The following ANKFN1 variants were observed in gnomAD, a reference collection of about 807,000 sequenced individuals.
The protein encoded by ANKFN1 is ankyrin repeat and fibronectin type-III domain-containing protein 1.
A neutral mutation model predicts 108.7 loss-of-function variants in ANKFN1; 74 were observed. The observed-to-expected ratio is 0.68, with a 90% CI of 0.56 to 0.83. ANKFN1 has a LOEUF of 0.83. Ranked by LOEUF, ANKFN1 falls within the 40% of genes least tolerant of loss-of-function variation. ANKFN1 has a pLI of 0.00. For missense variants in ANKFN1, 1,505 were observed against 1,382.3 expected (o/e 1.09, Z -1.41); for synonymous variants, 547 against 516.2 (o/e 1.06, Z -0.81).
Position 56,195,641 on chromosome 17 carries a change from T to C in ANKFN1, c.-70-16957T>C, listed in dbSNP as rs567146821. On this transcript the variant is annotated intron_variant, in intron 1 of 20. Transcript: ENST00000682825. ...ATATACTCAAAGCAAAAAGAATAAC[T>C]CTGAGCCCATTTCCTTCTCCTCATC... Among the ~76,000 whole-genome samples, 5 of 152,252 alleles carry C rather than the reference T, an allele frequency of 3.3e-5. No homozygotes were observed. The East Asian group carries it at 9.7e-4, about 29-fold the overall frequency.
At chr17:56,462,364 G>C (rs528402009) in intron 14 of ANKFN1, among the ~76,000 whole-genome samples, 2 of 152,330 alleles carry the variant, frequency 1.3e-5, no homozygotes, top group South Asian at 2.1e-4. Flanking sequence ...GGAGGCCAAG[G>C]CGGGCAGATC....
At chr17:56,407,931 CTTTTTTT>C (rs761975892) in intron 8 of ANKFN1, among the ~76,000 whole-genome samples, 23 of 104,642 alleles carry the variant, frequency 2.2e-4, no homozygotes, top group East Asian at 6.1e-4. Context: ...TCTTTTTTAT[CTTTTTTT>C]TTTTTTTTTT....
chr17:56,294,870 C>T (rs1030404591), intron 3 of ANKFN1, among the ~76,000 whole-genome samples: 1 of 152,208 alleles, frequency 6.6e-6, no homozygotes, highest in Non-Finnish European at 1.5e-5. Context: ...CCTGGAAGAA[C>T]TTTCACAAGG....
intron 8 of ANKFN1, among the ~76,000 whole-genome samples, chr17:56,425,167 A>T (rs907841423): frequency 2.0e-5 from 3 of 151,770 alleles, no homozygotes; most frequent in Non-Finnish European, 2.9e-5. Context: ...AGTATTCAGC[A>T]TTCCTATGAG....
chr17:56,395,637 T>A (rs1240815972), intron 8 of ANKFN1, among the ~76,000 whole-genome samples: 2 of 152,042 alleles, frequency 1.3e-5, no homozygotes, highest in Admixed American at 1.3e-4. Context: ...TCAATTGAGG[T>A]CAAGAGTTCG....
At chr17:56,167,186 A>G (rs1033830843) in intron 1 of ANKFN1, among the ~76,000 whole-genome samples, 1 of 150,372 alleles carries the variant, frequency 6.7e-6, no homozygotes, top group African/African-American at 2.4e-5. Flanking sequence ...AACATATATC[A>G]TGTATACATA....
chr17:56,163,866 A>G (rs1427118527), intron 1 of ANKFN1, among the ~76,000 whole-genome samples: 2 of 152,224 alleles, frequency 1.3e-5, no homozygotes, highest in African/African-American at 4.8e-5. Flanking sequence ...TCTATGAGGG[A>G]GAAAGCATCT....
chr17:56,424,778 C>T (rs192718016), intron 8 of ANKFN1, among the ~76,000 whole-genome samples: 265 of 152,198 alleles, frequency 1.7e-3, no homozygotes, highest in African/African-American at 5.7e-3. Flanking sequence ...TTCAGCAGCC[C>T]CTGTGGTAAC....
intron 18 of ANKFN1, chr17:56,482,751 G>A (rs1055612977): frequency 1.1e-4 from 43 of 405,264 alleles, no homozygotes; most frequent in Non-Finnish European, 1.5e-4. Flanking sequence ...TGGAGAAGAA[G>A]GAATTCTAAA....
intron 4 of ANKFN1, among the ~76,000 whole-genome samples, chr17:56,332,987 A>G (rs1187168755): frequency 2.6e-5 from 1 of 38,468 alleles, no homozygotes; most frequent in Non-Finnish European, 7.4e-5. Context: ...GTGTATATAT[A>G]TATATATATA....
In ANKFN1 at chr17:56,372,833, G is replaced by A. The variant is rs2046847389; in HGVS notation, c.789G>A (p.Glu263=). The change falls in exon 7 of 21, where the codon GAG becomes GAA. Residue 263 remains glutamate (E), a synonymous_variant. Transcript: ENST00000682825. ...RLYRRMKTGF[E]HARAPEMPTN... ...ACAGACGCATGAAAACAGGCTTTGA[G>A]CATGCCAGTGAGTATAAGCAGAAAA... 6.2e-7 allele frequency: 1 copy of A among 1,612,668 alleles called. No homozygotes were observed. Among genetic ancestry groups the A allele is most frequent in the Non-Finnish European group, 8.5e-7 (1 of 1,179,598 alleles).
At chr17:56,381,620 C>T (rs1346433795) in intron 8 of ANKFN1, among the ~76,000 whole-genome samples, 1 of 152,086 alleles carries the variant, frequency 6.6e-6, no homozygotes, top group Middle Eastern at 3.4e-3. Context: ...AGCCAAGGCT[C>T]GAGAACTACG....
intron 6 of ANKFN1, among the ~76,000 whole-genome samples, chr17:56,356,538 A>C (rs1470497012): frequency 6.6e-6 from 1 of 152,116 alleles, no homozygotes; most frequent in Non-Finnish European, 1.5e-5. Context: ...CTTACTATAA[A>C]AATGCTAAGC....
At chr17:56,423,912 A>C (rs904092798) in intron 8 of ANKFN1, among the ~76,000 whole-genome samples, 1 of 152,212 alleles carries the variant, frequency 6.6e-6, no homozygotes, top group Admixed American at 6.5e-5. Flanking sequence ...AATCTTAATG[A>C]TGCTCAGGAA....
intron 20 of ANKFN1, among the ~76,000 whole-genome samples, chr17:56,505,486 G>T (rs1165093267): frequency 1.3e-5 from 2 of 152,118 alleles, no homozygotes; most frequent in Admixed American, 1.3e-4. Context: ...AAATACAAAA[G>T]ATTCTACACA....
Position 56,440,318 on chromosome 17 carries a change from TC to T in ANKFN1, c.911-6del. The T allele has an allele frequency of 6.3e-7, 1 of 1,585,456 alleles. No homozygotes were observed. Among genetic ancestry groups the T allele is most frequent in the Non-Finnish European group, 8.7e-7 (1 of 1,155,924 alleles). On this transcript the variant is annotated splice_region_variant and splice_polypyrimidine_tract_variant and intron_variant, in intron 8 of 20. Coordinates refer to ENST00000682825, the MANE Select transcript of ANKFN1 (RefSeq NM_001370326.1). ...TTTCTCTCTCTCCCTGCCCCCCTAC[TC>T]CCTCCAGTGGAATGGAGTATGTCCG... is the stretch of plus-strand genomic sequence containing the variant.
chr17:56,264,833 A>G (rs1252523028), intron 3 of ANKFN1, among the ~76,000 whole-genome samples: 3 of 152,074 alleles, frequency 2.0e-5, no homozygotes, highest in African/African-American at 7.2e-5. Flanking sequence ...AGTCCATCTT[A>G]TTTGGGACCC....
At chr17:56,405,390 C>T (rs760188987) in intron 8 of ANKFN1, among the ~76,000 whole-genome samples, 1 of 152,132 alleles carries the variant, frequency 6.6e-6, no homozygotes, top group Non-Finnish European at 1.5e-5. Context: ...AATATACGCT[C>T]TATAGATTAA....
At chr17:56,109,529 G>T (rs1300366148) in intron 4 of ANKFN1, among the ~76,000 whole-genome samples, 1 of 152,048 alleles carries the variant, frequency 6.6e-6, no homozygotes, top group Non-Finnish European at 1.5e-5. Context: ...AATCACCCCT[G>T]GTTGAGAATC....
Sources: allele counts gnomAD v4.1 joint callset (sites outside exome capture counted in the v4.1 genomes callset), GRCh38; gene constraint gnomAD v4.1.1; transcripts MANE v1.5; gene names NCBI Gene and HGNC (gene_info 2026-07-23, HGNC 2026-07-21).